Variants in DPP10 observed in about 807,000 individuals in gnomAD.
DPP10 encodes dipeptidyl peptidase like 10.
In DPP10, 33 loss-of-function variants were observed where a neutral mutation model predicts 120.9. The ratio of observed to expected loss-of-function variants is 0.27; its 90% CI spans 0.21 to 0.37. DPP10 has a LOEUF of 0.37. DPP10 is among the 10% of genes least tolerant of loss of function. The pLI, the probability that DPP10 is intolerant of heterozygous loss-of-function variation, is 1.00. For missense variants in DPP10, 816 were observed against 942.8 expected (o/e 0.87, Z 1.76); for synonymous variants, 337 against 326.1 (o/e 1.03, Z -0.36).
chr2:114,731,041 C>T (rs985681859), intron 1 of DPP10, among the ~76,000 whole-genome samples: 7 of 151,782 alleles, frequency 4.6e-5, no homozygotes, highest in African/African-American at 9.7e-5. Context: ...AACACAATAT[C>T]GGGTCACAAA....
chr2:114,537,242 G>A (rs183758381), intron 1 of DPP10, among the ~76,000 whole-genome samples: 47 of 152,280 alleles, frequency 3.1e-4, no homozygotes, highest in Admixed American at 2.2e-3. Context: ...CTAGACTACC[G>A]TGAGATCTGA....
intron 3 of DPP10, among the ~76,000 whole-genome samples, chr2:115,489,584 A>T (rs1427280765): frequency 6.6e-6 from 1 of 151,868 alleles, no homozygotes; most frequent in Non-Finnish European, 1.5e-5. Flanking sequence ...GTCCCATCCT[A>T]CAAACCAAAA....
chr2:114,779,961 C>A (rs543227469), intron 1 of DPP10, among the ~76,000 whole-genome samples: 1 of 152,080 alleles, frequency 6.6e-6, no homozygotes, highest in African/African-American at 2.4e-5. Context: ...ATGGTGAAAC[C>A]CCATCTCTAC....
At chr2:114,748,950 C>G (rs1372902936) in intron 1 of DPP10, among the ~76,000 whole-genome samples, 3 of 128,266 alleles carry the variant, frequency 2.3e-5, no homozygotes, top group African/African-American at 9.2e-5. Context: ...AATGGTATTT[C>G]TAGTTCTAGA....
intron 3 of DPP10, among the ~76,000 whole-genome samples, chr2:115,390,585 A>G (rs549489855): frequency 2.0e-5 from 3 of 152,134 alleles, no homozygotes; most frequent in Admixed American, 2.0e-4. Context: ...TATTTTTCTC[A>G]GCATACCAAT....
intron 1 of DPP10, chr2:115,162,180 C>T (rs1178755166): frequency 1.9e-5 from 29 of 1,547,982 alleles, no homozygotes; most frequent in Admixed American, 2.0e-5. Flanking sequence ...TGCTTCTCCA[C>T]GGACTCTGCG....
chr2:114,683,774 C>T (rs1699188712), intron 1 of DPP10, among the ~76,000 whole-genome samples: 1 of 151,758 alleles, frequency 6.6e-6, no homozygotes, highest in Admixed American at 6.6e-5. Flanking sequence ...ATTTTCTTTC[C>T]CCTGCCATCC....
chr2:115,533,531 C>T (rs949741640), intron 5 of DPP10, among the ~76,000 whole-genome samples: 3 of 152,048 alleles, frequency 2.0e-5, no homozygotes, highest in African/African-American at 7.2e-5. Context: ...TGCACTACTG[C>T]TTTAAGAAGT....
chr2:114,536,065 C>T (rs1686455639), intron 1 of DPP10, among the ~76,000 whole-genome samples: 1 of 152,094 alleles, frequency 6.6e-6, no homozygotes, highest in South Asian at 2.1e-4. Context: ...CTCACCAGCC[C>T]TCTTGAGGTT....
chr2:114,964,382 G>A (rs1053561234), intron 1 of DPP10, among the ~76,000 whole-genome samples: 3 of 151,966 alleles, frequency 2.0e-5, no homozygotes, highest in African/African-American at 4.8e-5. Context: ...AACGTAAAAC[G>A]AAATGCTGCA....
chr2:115,016,770 C>T (rs906064731), intron 1 of DPP10, among the ~76,000 whole-genome samples: 8 of 152,084 alleles, frequency 5.3e-5, no homozygotes, highest in South Asian at 2.1e-4. Flanking sequence ...ATGTTTATTG[C>T]GGCACTATTC....
intron 1 of DPP10, among the ~76,000 whole-genome samples, chr2:115,038,052 GT>G (rs1215995740): frequency 6.6e-6 from 1 of 151,898 alleles, no homozygotes; most frequent in Non-Finnish European, 1.5e-5. Flanking sequence ...TCTTATTTTT[GT>G]TTGTTTATTT....
chr2:114,725,936 A>G (rs1250183587), intron 1 of DPP10, among the ~76,000 whole-genome samples: 1 of 152,194 alleles, frequency 6.6e-6, no homozygotes, highest in Non-Finnish European at 1.5e-5. Context: ...TGATTTCAGC[A>G]AAAGTTCTTC....
intron 1 of DPP10, among the ~76,000 whole-genome samples, chr2:114,670,256 AC>A (rs1380067951): frequency 1.2e-4 from 19 of 152,188 alleles, no homozygotes; most frequent in African/African-American, 4.6e-4. Context: ...AATAGCAAAG[AC>A]TTGGAACCAA....
At chr2:114,587,091 T>G (rs1320423476) in intron 1 of DPP10, among the ~76,000 whole-genome samples, 1 of 150,920 alleles carries the variant, frequency 6.6e-6, no homozygotes, top group East Asian at 1.9e-4. Flanking sequence ...AGGTCAGGAG[T>G]TCGAGCCCAG....
intron 3 of DPP10, among the ~76,000 whole-genome samples, chr2:115,420,806 AGAAG>A (rs756285040): frequency 1.1e-4 from 16 of 152,202 alleles, no homozygotes; most frequent in Non-Finnish European, 2.2e-4. Context: ...AGACAACAGT[AGAAG>A]GACCAGAGTA....
chr2:114,752,989 C>A (rs1679379440), intron 1 of DPP10, among the ~76,000 whole-genome samples: 1 of 152,154 alleles, frequency 6.6e-6, no homozygotes, highest in African/African-American at 2.4e-5. Flanking sequence ...TGATGGGGAC[C>A]TGCCCATGGA....
At chr2:114,799,938 T>C (rs1684052473) in intron 1 of DPP10, among the ~76,000 whole-genome samples, 1 of 152,230 alleles carries the variant, frequency 6.6e-6, no homozygotes, top group African/African-American at 2.4e-5. Context: ...ATGATAATCT[T>C]GCATTTTGAG....
At chr2:115,554,082 A>C (rs940488340) in intron 5 of DPP10, among the ~76,000 whole-genome samples, 19 of 149,508 alleles carry the variant, frequency 1.3e-4, no homozygotes, top group African/African-American at 4.4e-4. Flanking sequence ...TCACTGAAAA[A>C]CCCTATCTTG....
Sources: allele counts gnomAD v4.1 joint callset (sites outside exome capture counted in the v4.1 genomes callset), GRCh38; gene constraint gnomAD v4.1.1; transcripts MANE v1.5; gene names NCBI Gene and HGNC (gene_info 2026-07-23, HGNC 2026-07-21).